MAF: variants seen among roughly 807,000 people sequenced by gnomAD.
The protein encoded by MAF is MAF bZIP transcription factor, also known as transcription factor Maf.
A neutral mutation model predicts 22.0 loss-of-function variants in MAF; 10 were observed. The ratio of observed to expected loss-of-function variants is 0.45; its 90% CI spans 0.28 to 0.77. MAF has a LOEUF of 0.77. Ranked by LOEUF, MAF falls within the 30% of genes least tolerant of loss-of-function variation. The probability of loss-of-function intolerance (pLI) is 0.12; values close to 1 mark genes in which losing one functional copy is unlikely to be tolerated. For missense variants in MAF, 544 were observed against 548.4 expected (o/e 0.99, Z 0.08); for synonymous variants, 337 against 255.8 (o/e 1.32, Z -3.03).
At chr16:79,211,261 G>A in the MAF span, among the ~76,000 whole-genome samples, 4 of 152,146 alleles carry the variant, frequency 2.6e-5, no homozygotes, top group African/African-American at 9.7e-5. Flanking sequence ...GGGGTTGGAT[G>A]AATTTGTTCT....
chr16:79,336,335 C>T, the MAF span, among the ~76,000 whole-genome samples: 2 of 152,202 alleles, frequency 1.3e-5, no homozygotes, highest in African/African-American at 4.8e-5. Flanking sequence ...AAGGAGCGAA[C>T]CAAGGCACAG....
the MAF span, among the ~76,000 whole-genome samples, chr16:79,260,965 CT>C: frequency 2.0e-4 from 30 of 151,992 alleles, no homozygotes; most frequent in Non-Finnish European, 3.4e-4. Context: ...AGGCAATACC[CT>C]GGGGTGTAGG....
At chr16:79,486,831 T>C in the MAF span, among the ~76,000 whole-genome samples, 1 of 152,186 alleles carries the variant, frequency 6.6e-6, no homozygotes, top group East Asian at 1.9e-4. Context: ...AGCTACGTGT[T>C]TGAGAAATAA....
the MAF span, among the ~76,000 whole-genome samples, chr16:79,235,267 A>C: frequency 6.6e-6 from 1 of 152,090 alleles, no homozygotes; most frequent in South Asian, 2.1e-4. Context: ...ACACGGGACT[A>C]TAAGCTCAAA....
chr16:79,398,062 C>T, the MAF span, among the ~76,000 whole-genome samples: 2 of 152,168 alleles, frequency 1.3e-5, no homozygotes, highest in African/African-American at 4.8e-5. Flanking sequence ...GGTTCGCATT[C>T]CTTCTGGAGG....
At chr16:79,595,794 T>G in intron 1 of MAF, 2 of 1,057,314 alleles carry the variant, frequency 1.9e-6, no homozygotes, top group Non-Finnish European at 2.3e-6. Context: ...GGTAGAGAAG[T>G]TCTCCACTGA....
At chr16:79,591,427 C>T (rs924431989), downstream of MAF, among the ~76,000 whole-genome samples, 12 of 152,124 alleles carry the variant, frequency 7.9e-5, no homozygotes, top group African/African-American at 2.9e-4. Context: ...TAAGGTGCAT[C>T]TCTGTAGAAG....
At chr16:79,275,837 G>A in the MAF span, among the ~76,000 whole-genome samples, 3 of 152,206 alleles carry the variant, frequency 2.0e-5, no homozygotes, top group Middle Eastern at 3.4e-3. Context: ...TGTATTGATT[G>A]AAAAATGATT....
the MAF span, among the ~76,000 whole-genome samples, chr16:79,547,924 G>GAGAGATGAT: frequency 4.7e-5 from 7 of 148,430 alleles, no homozygotes; most frequent in Non-Finnish European, 9.0e-5. Flanking sequence ...GAGAGATAGA[G>GAGAGATGAT]AGAGAGAGAG....
the MAF span, among the ~76,000 whole-genome samples, chr16:79,370,707 A>T: frequency 6.6e-6 from 1 of 152,192 alleles, no homozygotes; most frequent in Non-Finnish European, 1.5e-5. Flanking sequence ...TCCAAAGCAT[A>T]TATCAGATCC....
the MAF span, among the ~76,000 whole-genome samples, chr16:79,334,851 GTGTGTGTGTGTA>G: frequency 2.1e-5 from 2 of 97,198 alleles, no homozygotes; most frequent in Non-Finnish European, 4.7e-5. Flanking sequence ...GTGTGTGTGT[GTGTGTGTGTGTA>G]TGTGTGTGTG....
intron 1 of MAF, chr16:79,596,902 T>A (rs182332185): frequency 9.5e-7 from 1 of 1,050,116 alleles, no homozygotes; most frequent in East Asian, 5.5e-5. Flanking sequence ...TTTTGTATTA[T>A]ATGCTTGCAG....
the MAF span, among the ~76,000 whole-genome samples, chr16:79,321,655 T>C: frequency 1.9e-4 from 27 of 140,504 alleles, no homozygotes; most frequent in African/African-American, 7.0e-4. Flanking sequence ...CTTTTTTTTT[T>C]TTTTTTTTTT....
At chr16:79,469,540 C>T in the MAF span, among the ~76,000 whole-genome samples, 3 of 152,084 alleles carry the variant, frequency 2.0e-5, no homozygotes, top group Non-Finnish European at 4.4e-5. Flanking sequence ...AAAAAATGGT[C>T]ATTGCAGAGC....
chr16:79,329,039 G>A, the MAF span, among the ~76,000 whole-genome samples: 20 of 149,550 alleles, frequency 1.3e-4, no homozygotes, highest in African/African-American at 4.7e-4. Context: ...TTTCACACCC[G>A]CCCCCACTCA....
the MAF span, among the ~76,000 whole-genome samples, chr16:79,217,100 G>A: frequency 1.1e-4 from 16 of 152,300 alleles, no homozygotes; most frequent in Non-Finnish European, 1.8e-4. Flanking sequence ...ATGAGCCATC[G>A]CACCCGGTGT....
At position 79,594,732 on chromosome 16, in the gene MAF, G is replaced by A. The variant is rs143565138; in HGVS notation, c.1119-179C>T. On this transcript the variant is annotated intron_variant, in intron 1 of 1. Transcript: ENST00000326043. ...TGTAAGAAAAAAAAAACATGTATTT[G>A]TTTGCTACTCCCACTATACTTCAAA... 9.9e-4 allele frequency: 1,395 copies of A among 1,410,852 alleles called. 13 individuals are homozygous for A. The African/African-American group carries it at 0.017, about 17-fold the overall frequency. The allele number at this position is 1,410,852 out of a possible 1,614,324, so 87.4% of individuals were successfully genotyped here.
the MAF span, among the ~76,000 whole-genome samples, chr16:79,282,407 G>A: frequency 2.6e-5 from 4 of 152,176 alleles, no homozygotes; most frequent in Admixed American, 6.5e-5. Flanking sequence ...CACTAATGTA[G>A]CATCAGTGAT....
At chr16:79,305,659 A>G in the MAF span, among the ~76,000 whole-genome samples, 6 of 152,204 alleles carry the variant, frequency 3.9e-5, no homozygotes, top group Non-Finnish European at 8.8e-5. Context: ...GGGTCTGTGG[A>G]TAAGACATCG....
Sources: gnomAD v4.1 joint callset for allele counts (sites outside exome capture counted in the v4.1 genomes callset) on GRCh38, gnomAD v4.1.1 for gene constraint, MANE v1.5 for transcripts, NCBI Gene and HGNC (gene_info 2026-07-23, HGNC 2026-07-21) for gene names.